The following GPC6 variants were observed in gnomAD, a reference collection of about 807,000 sequenced individuals.
GPC6 encodes the protein glypican-6.
A neutral mutation model predicts 55.2 loss-of-function variants in GPC6; 14 were observed. The observed-to-expected ratio is 0.25, with a 90% CI of 0.17 to 0.40. The LOEUF is 0.40. Among genes scored for constraint, GPC6 ranks in the 10% least tolerant of loss-of-function variants. GPC6 has a pLI of 1.00. For missense variants in GPC6, 641 were observed against 708.5 expected (o/e 0.90, Z 1.08); for synonymous variants, 278 against 259.6 (o/e 1.07, Z -0.68).
At chr13:94,382,106 C>T (rs570897142) in intron 6 of GPC6, among the ~76,000 whole-genome samples, 2 of 152,272 alleles carry the variant, frequency 1.3e-5, no homozygotes, top group African/African-American at 4.8e-5. Context: ...GGACTCTCAG[C>T]AGGAGAGGGA....
At chr13:93,494,690 C>T (rs1462395717) in intron 1 of GPC6, among the ~76,000 whole-genome samples, 6 of 152,006 alleles carry the variant, frequency 3.9e-5, no homozygotes, top group African/African-American at 1.2e-4. Context: ...TTTAGCACTT[C>T]CTTCAGGAGC....
intron 2 of GPC6, among the ~76,000 whole-genome samples, chr13:93,803,896 G>A (rs544593209): frequency 6.6e-6 from 1 of 152,186 alleles, no homozygotes; most frequent in Non-Finnish European, 1.5e-5. Context: ...GCTGGGGTGG[G>A]GAATGGTAGA....
At chr13:93,314,255 A>G (rs2139112951) in intron 1 of GPC6, among the ~76,000 whole-genome samples, 1 of 152,250 alleles carries the variant, frequency 6.6e-6, no homozygotes, top group Non-Finnish European at 1.5e-5. Context: ...CATCAAATAT[A>G]TACTTGACAC....
At chr13:94,251,463 G>GA (rs57853055) in intron 4 of GPC6, among the ~76,000 whole-genome samples, 103,690 of 145,636 alleles carry the variant, frequency 0.71, 37,205 homozygotes, top group African/African-American at 0.85. Flanking sequence ...GAACTTAAAG[G>GA]AAAAAAAAAA....
chr13:93,220,564 C>A, the GPC6 span, among the ~76,000 whole-genome samples: 1 of 152,174 alleles, frequency 6.6e-6, no homozygotes, highest in East Asian at 1.9e-4. Context: ...GGAAACACTT[C>A]AAAAATGTGT....
chr13:94,021,516 A>C (rs552865185), intron 3 of GPC6, among the ~76,000 whole-genome samples: 34 of 152,136 alleles, frequency 2.2e-4, no homozygotes, highest in African/African-American at 8.2e-4. Flanking sequence ...ACATTTTGAC[A>C]TACATGGCTA....
chr13:93,977,855 T>C (rs1019069792), intron 3 of GPC6, among the ~76,000 whole-genome samples: 1 of 152,128 alleles, frequency 6.6e-6, no homozygotes, highest in Non-Finnish European at 1.5e-5. Flanking sequence ...AAAAGAAGCA[T>C]TACAAAATAT....
intron 2 of GPC6, among the ~76,000 whole-genome samples, chr13:93,667,237 G>T (rs1055762283): frequency 4.6e-5 from 7 of 151,992 alleles, no homozygotes; most frequent in Admixed American, 1.3e-4. Context: ...AACAGAAGAG[G>T]TAAAATTTTT....
chr13:93,221,810 T>G (rs556064449), upstream of GPC6, among the ~76,000 whole-genome samples: 10 of 152,348 alleles, frequency 6.6e-5, no homozygotes, highest in African/African-American at 2.2e-4. Flanking sequence ...GCAGGTTAAC[T>G]AAGCGATTTT....
At chr13:93,999,910 G>A (rs1207327693) in intron 3 of GPC6, among the ~76,000 whole-genome samples, 1 of 152,126 alleles carries the variant, frequency 6.6e-6, no homozygotes, top group Non-Finnish European at 1.5e-5. Flanking sequence ...AGGCAATGAA[G>A]TTTCATTTTC....
chr13:93,373,468 C>T (rs959118217), intron 1 of GPC6, among the ~76,000 whole-genome samples: 1 of 152,174 alleles, frequency 6.6e-6, no homozygotes, highest in Middle Eastern at 3.4e-3. Flanking sequence ...CTTTTAATTC[C>T]TCTGGCAACC....
At chr13:94,147,841 C>G (rs1267652421) in intron 4 of GPC6, among the ~76,000 whole-genome samples, 1 of 152,074 alleles carries the variant, frequency 6.6e-6, no homozygotes, top group Non-Finnish European at 1.5e-5. Flanking sequence ...GAATTGTACT[C>G]ATTTATCATA....
At chr13:93,976,150 C>G (rs191405524) in intron 3 of GPC6, among the ~76,000 whole-genome samples, 33 of 152,236 alleles carry the variant, frequency 2.2e-4, no homozygotes, top group East Asian at 7.7e-4. Flanking sequence ...GCATCCAACT[C>G]AGAAATATAT....
intron 2 of GPC6, among the ~76,000 whole-genome samples, chr13:93,801,140 A>G (rs1043010205): frequency 2.1e-4 from 32 of 152,168 alleles, no homozygotes; most frequent in Non-Finnish European, 2.9e-5. Context: ...GCCTGAATAG[A>G]CACTTGCAAT....
chr13:93,839,304 T>C (rs982800007), intron 3 of GPC6, among the ~76,000 whole-genome samples: 3 of 152,086 alleles, frequency 2.0e-5, no homozygotes, highest in Non-Finnish European at 2.9e-5. Flanking sequence ...TGCCACAAGA[T>C]ACACACCAAA....
intron 6 of GPC6, among the ~76,000 whole-genome samples, chr13:94,379,740 G>A (rs1370501335): frequency 3.3e-5 from 5 of 152,074 alleles, no homozygotes; most frequent in East Asian, 1.9e-4. Flanking sequence ...CTGAAAACTC[G>A]TCACCCTGGA....
intron 1 of GPC6, among the ~76,000 whole-genome samples, chr13:93,499,356 G>A (rs1880439007): frequency 6.6e-6 from 1 of 152,188 alleles, no homozygotes; most frequent in Non-Finnish European, 1.5e-5. Context: ...TTAGGACAAG[G>A]CAAAGTCCTT....
intron 2 of GPC6, among the ~76,000 whole-genome samples, chr13:93,688,555 C>T (rs767123543): frequency 3.3e-5 from 5 of 151,872 alleles, no homozygotes; most frequent in East Asian, 1.9e-4. Context: ...AAACAAAATG[C>T]ACTATATACA....
At chr13:93,217,174 A>G in the GPC6 span, among the ~76,000 whole-genome samples, 886 of 152,338 alleles carry the variant, frequency 5.8e-3, 1 homozygote, top group Admixed American at 0.011. Flanking sequence ...GCTCTCATTC[A>G]TTATGAAAAT....
Sources: allele counts gnomAD v4.1 joint callset (sites outside exome capture counted in the v4.1 genomes callset), GRCh38; gene constraint gnomAD v4.1.1; transcripts MANE v1.5; gene names NCBI Gene and HGNC (gene_info 2026-07-23, HGNC 2026-07-21).